LARP1: variants seen among roughly 807,000 people sequenced by gnomAD.
LARP1 encodes la-related protein 1.
LARP1 carries 36 observed loss-of-function variants against 122.7 expected under a neutral mutation model. The ratio of observed to expected loss-of-function variants is 0.29; its 90% CI spans 0.22 to 0.39. The LOEUF (loss-of-function observed/expected upper bound fraction) is 0.39, where lower values mean the gene tolerates loss of function less well. Ranked by LOEUF, LARP1 falls within the 10% of genes least tolerant of loss-of-function variation. The probability of loss-of-function intolerance (pLI) is 1.00; values close to 1 mark genes in which losing one functional copy is unlikely to be tolerated. For synonymous variants in LARP1, 539 were observed against 528.7 expected, an observed-to-expected ratio of 1.02 and a Z score of -0.27; for missense variants, 1,040 against 1,403.6, an observed-to-expected ratio of 0.74 and a Z score of 4.14.
chr5:154,713,153 T>G (rs751853580), intron 1 of LARP1: 1 of 1,595,390 alleles, frequency 6.3e-7, no homozygotes, highest in Admixed American at 1.7e-5. Context: ...ACTCTGCGTT[T>G]CTTGAACCTC....
At chr5:154,697,824 G>T (rs1476392522) in intron 1 of LARP1, among the ~76,000 whole-genome samples, 1 of 151,990 alleles carries the variant, frequency 6.6e-6, no homozygotes, top group South Asian at 2.1e-4. Context: ...TTTTTTGTTT[G>T]TTGTTGTTGT....
intron 1 of LARP1, among the ~76,000 whole-genome samples, chr5:154,688,879 C>T (rs1754059765): frequency 6.6e-6 from 1 of 152,010 alleles, no homozygotes; most frequent in African/African-American, 2.4e-5. Flanking sequence ...TTGATTTGCC[C>T]TTTTTCACTT....
At chr5:154,788,001 T>C (rs1322545337) in intron 1 of LARP1, among the ~76,000 whole-genome samples, 1 of 152,236 alleles carries the variant, frequency 6.6e-6, no homozygotes, top group Non-Finnish European at 1.5e-5. Context: ...TCTACCTGAT[T>C]TCTCTTTATA....
intron 1 of LARP1, among the ~76,000 whole-genome samples, chr5:154,745,322 A>C (rs1753133263): frequency 2.0e-5 from 3 of 152,194 alleles, no homozygotes; most frequent in Admixed American, 2.0e-4. Context: ...CAGTGTCCTC[A>C]TCTTTAAAAT....
At chr5:154,715,674 T>A (rs375032229) in intron 1 of LARP1, among the ~76,000 whole-genome samples, 13 of 152,226 alleles carry the variant, frequency 8.5e-5, no homozygotes, top group African/African-American at 3.1e-4. Context: ...GTGCGAATAT[T>A]TTTTGAGTGC....
intron 8 of LARP1, among the ~76,000 whole-genome samples, chr5:154,796,188 T>TTATA (rs1253711636): frequency 6.1e-5 from 8 of 131,414 alleles, no homozygotes; most frequent in Admixed American, 3.8e-4. Context: ...TATATATATT[T>TTATA]TATATATATA....
chr5:154,769,552 G>A (rs1755233978), intron 1 of LARP1, among the ~76,000 whole-genome samples: 1 of 152,294 alleles, frequency 6.6e-6, no homozygotes, highest in Middle Eastern at 3.4e-3. Context: ...TGGAGAGATA[G>A]GACTCACCTA....
chr5:154,778,263 A>T lies in LARP1; in HGVS notation c.437-12062A>T, dbSNP rs1264091961. 4.0e-5 allele frequency among the ~76,000 whole-genome samples: 6 copies of T among 151,824 alleles called. 1 individual carries two copies. Among genetic ancestry groups the T allele is most frequent in the Admixed American group, 3.9e-4 (6 of 15,238 alleles). ...CCACAGAGCGAGACTCCGTCTAAAAAAAAAAAAAAAAAAAGTGCAGCTCTG... is the reference window on the plus strand; with the variant it reads ...CCACAGAGCGAGACTCCGTCTAAAATAAAAAAAAAAAAAAGTGCAGCTCTG... On this transcript the variant is annotated intron_variant, in intron 1 of 18. Coordinates refer to ENST00000518297, the MANE Select transcript of LARP1 (RefSeq NM_033551.3).
chr5:154,816,897 C>T lies in LARP1; in HGVS notation c.*2801C>T, dbSNP rs1759706147. ...CTCTTCCTGCACTTGGGAGCAAAGG[C>T]ACTACCAGTAGAGAAGGGCCATCCA... On this transcript the variant is annotated 3_prime_UTR_variant, in exon 19 of 19. Coordinates refer to ENST00000518297, the MANE Select transcript of LARP1 (RefSeq NM_033551.3). 6.6e-6 allele frequency: 1 copy of T among 152,242 alleles called. No individual in the cohort carries two copies. The highest frequency in any genetic ancestry group is 6.5e-5 in the Admixed American group (1 of 15,282). The allele number at this position is 152,242 out of a possible 1,614,324, so 9.4% of individuals were successfully genotyped here.
intron 1 of LARP1, among the ~76,000 whole-genome samples, chr5:154,714,219 A>G (rs930406087): frequency 1.1e-4 from 17 of 152,234 alleles, no homozygotes; most frequent in African/African-American, 3.4e-4. Flanking sequence ...TTTGGGATTG[A>G]TGAGGTAAGG....
intron 1 of LARP1, chr5:154,729,574 CAA>C (rs1582223397): frequency 2.3e-6 from 1 of 436,266 alleles, no homozygotes; most frequent in Non-Finnish European, 4.5e-6. Flanking sequence ...AGAAGAAAGC[CAA>C]AGAGAAAGGT....
At chr5:154,776,926 A>G (rs1229083923) in intron 1 of LARP1, among the ~76,000 whole-genome samples, 1 of 152,342 alleles carries the variant, frequency 6.6e-6, no homozygotes. Flanking sequence ...AGTGTTTAAT[A>G]CATACTAAGG....
At chr5:154,747,688 G>A (rs377053876) in intron 1 of LARP1, among the ~76,000 whole-genome samples, 10 of 151,312 alleles carry the variant, frequency 6.6e-5, no homozygotes, top group African/African-American at 2.2e-4. Flanking sequence ...CAACAAAAGC[G>A]AAAATCCGTC....
Position 154,800,135 on chromosome 5 carries a change from G to A in LARP1, c.1716+93G>A, listed in dbSNP as rs531532244. ...CATGGGCACAGCACTCTAGCTCTGA[G>A]GGGCCAGCAGGAAATCTGGGTAGTT... On this transcript the variant is annotated intron_variant, in intron 10 of 18. Transcript: ENST00000518297. 1.6e-4 allele frequency: 183 copies of A among 1,138,868 alleles called. No individual in the cohort carries two copies. In the African/African-American group the frequency reaches 2.6e-3, roughly 16 times the overall value. 70.5% of individuals were successfully genotyped at this position (1,138,868 alleles called of 1,614,324 possible).
intron 1 of LARP1, among the ~76,000 whole-genome samples, chr5:154,724,191 C>T (rs1295478395): frequency 6.6e-6 from 1 of 152,206 alleles, no homozygotes; most frequent in African/African-American, 2.4e-5. Flanking sequence ...ACTAATCCTT[C>T]CTTAAACCAT....
intron 3 of LARP1, chr5:154,791,920 G>T (rs1757384165): frequency 2.2e-6 from 1 of 455,616 alleles, no homozygotes. Context: ...TCTGAGATAG[G>T]TCCTTTTATA....
chr5:154,751,793 A>G (rs1043728055), upstream of LARP1, among the ~76,000 whole-genome samples: 3 of 152,204 alleles, frequency 2.0e-5, no homozygotes, highest in African/African-American at 7.2e-5. Flanking sequence ...ATTAAACTTT[A>G]TTATAGGTAA....
chr5:154,717,289 C>G (rs946947223), intron 1 of LARP1, among the ~76,000 whole-genome samples: 2 of 152,120 alleles, frequency 1.3e-5, no homozygotes, highest in Non-Finnish European at 2.9e-5. Flanking sequence ...AGCCTACTTT[C>G]TCATTTGTGA....
intron 1 of LARP1, among the ~76,000 whole-genome samples, chr5:154,738,538 G>T (rs1000811177): frequency 2.0e-5 from 3 of 152,130 alleles, no homozygotes; most frequent in Non-Finnish European, 4.4e-5. Context: ...GTTGCAGTGA[G>T]CCGAGATCGG....
Sources: allele counts gnomAD v4.1 joint callset (sites outside exome capture counted in the v4.1 genomes callset), GRCh38; gene constraint gnomAD v4.1.1; transcripts MANE v1.5; gene names NCBI Gene and HGNC (gene_info 2026-07-23, HGNC 2026-07-21).